WWOX: variants seen among roughly 807,000 people sequenced by gnomAD.
WWOX encodes the protein WW domain containing oxidoreductase.
WWOX carries 69 observed loss-of-function variants against 46.2 expected under a neutral mutation model. That is an observed-to-expected ratio of 1.49 (90% confidence interval 1.23 to 1.82). WWOX has a LOEUF of 1.82. WWOX is among the 40% of genes most tolerant of loss of function. The pLI is 0.00. For synonymous variants in WWOX, 359 were observed against 202.6 expected, an observed-to-expected ratio of 1.77 and a Z score of -6.56; for missense variants, 919 against 542.6, an observed-to-expected ratio of 1.69 and a Z score of -6.89.
intron 8 of WWOX, among the ~76,000 whole-genome samples, chr16:78,871,933 G>A (rs2174404): frequency 0.7 from 106,195 of 152,032 alleles, 37,531 homozygotes; most frequent in South Asian, 0.84. Context: ...CCCTCAACCT[G>A]TTTTCTTCCA....
intron 5 of WWOX, among the ~76,000 whole-genome samples, chr16:78,299,534 T>TC (rs966726710): frequency 4.0e-5 from 6 of 151,352 alleles, no homozygotes; most frequent in African/African-American, 1.5e-4. Context: ...TTTTTTTTTT[T>TC]TGGAGACAGT....
intron 8 of WWOX, among the ~76,000 whole-genome samples, chr16:78,837,515 T>G (rs1424434123): frequency 6.6e-6 from 1 of 152,230 alleles, no homozygotes; most frequent in Non-Finnish European, 1.5e-5. Flanking sequence ...ACTCAAAGCC[T>G]GAACACTTCT....
intron 5 of WWOX, among the ~76,000 whole-genome samples, chr16:78,300,769 TA>T (rs1389438394): frequency 2.6e-5 from 4 of 152,226 alleles, no homozygotes; most frequent in Admixed American, 2.0e-4. Flanking sequence ...AAACTATTTT[TA>T]AAAGTTGACT....
At chr16:78,401,491 C>G (rs562975585) in intron 6 of WWOX, among the ~76,000 whole-genome samples, 3 of 152,228 alleles carry the variant, frequency 2.0e-5, no homozygotes, top group African/African-American at 7.2e-5. Flanking sequence ...ATGAAACTCG[C>G]TGTATCTTGT....
intron 8 of WWOX, among the ~76,000 whole-genome samples, chr16:78,945,286 C>G (rs1019890927): frequency 3.9e-5 from 6 of 152,196 alleles, no homozygotes; most frequent in African/African-American, 4.8e-5. Context: ...CATGGAATAT[C>G]AAGCACGATT....
At chr16:78,116,133 T>C (rs888370475) in intron 4 of WWOX, among the ~76,000 whole-genome samples, 2 of 152,238 alleles carry the variant, frequency 1.3e-5, no homozygotes, top group African/African-American at 4.8e-5. Flanking sequence ...CAAGAATTTA[T>C]CCTTTGAGTG....
chr16:78,481,026 A>G (rs1303887456), intron 8 of WWOX, among the ~76,000 whole-genome samples: 1 of 152,256 alleles, frequency 6.6e-6, no homozygotes, highest in Non-Finnish European at 1.5e-5. Flanking sequence ...CAAAGTAAAC[A>G]CAATCACAGT....
At chr16:78,321,794 G>A (rs1362542857) in intron 5 of WWOX, among the ~76,000 whole-genome samples, 2 of 152,178 alleles carry the variant, frequency 1.3e-5, no homozygotes, top group African/African-American at 4.8e-5. Flanking sequence ...GCTGTCGTCT[G>A]TTAGTGTTTC....
At position 78,479,103 on chromosome 16, in the gene WWOX, G is replaced by A. The variant is rs80232728; in HGVS notation, c.1056+46351G>A. Among the ~76,000 whole-genome samples, 95 of 152,022 alleles carry A rather than the reference G, an allele frequency of 6.2e-4. 1 individual carries two copies. The highest frequency in any genetic ancestry group is 2.2e-3 in the African/African-American group (92 of 41,332). The stretch of plus-strand genomic sequence containing the variant: ...CATTACTGTTTTCCTGAATGTAGGA[G>A]TATTTGGAAAAGGAAAAAAAAATAA... On this transcript the variant is annotated intron_variant, in intron 8 of 8. Coordinates refer to ENST00000566780, the MANE Select transcript of WWOX (RefSeq NM_016373.4).
rs1271026142 is a variant in WWOX, at chr16:78,376,666, A to G, written c.517-10194A>G. 3.9e-5 allele frequency among the ~76,000 whole-genome samples: 6 copies of G among 152,310 alleles called. No homozygotes were observed. In the South Asian group the frequency reaches 8.3e-4, roughly 21 times the overall value. On this transcript the variant is annotated intron_variant, in intron 5 of 8. Transcript: ENST00000566780. ...TGTTCGTTGTAAGATATTGAGTAGC[A>G]TCCCTGACCTCTGCCCCCTGGATGC...
chr16:79,032,564 A>G (rs987462948), intron 8 of WWOX, among the ~76,000 whole-genome samples: 7 of 148,392 alleles, frequency 4.7e-5, no homozygotes, highest in Admixed American at 3.4e-4. Context: ...TATACTTTCC[A>G]TACATACATA....
At chr16:78,566,895 G>T (rs374143420) in intron 8 of WWOX, among the ~76,000 whole-genome samples, 1 of 152,170 alleles carries the variant, frequency 6.6e-6, no homozygotes, top group Non-Finnish European at 1.5e-5. Flanking sequence ...AAGGGGTCAC[G>T]TCTCTGTGAA....
chr16:78,456,073 C>T (rs1054651229), intron 8 of WWOX, among the ~76,000 whole-genome samples: 1 of 152,122 alleles, frequency 6.6e-6, no homozygotes, highest in Admixed American at 6.5e-5. Context: ...GTGGACAAGG[C>T]TATGTAACTA....
At chr16:78,672,092 C>G (rs886086183) in intron 8 of WWOX, among the ~76,000 whole-genome samples, 1 of 152,182 alleles carries the variant, frequency 6.6e-6, no homozygotes, top group Non-Finnish European at 1.5e-5. Context: ...TACTTCACAA[C>G]TCTCCACTTT....
chr16:78,312,079 C>G (rs1312492817), intron 5 of WWOX, among the ~76,000 whole-genome samples: 2 of 152,130 alleles, frequency 1.3e-5, no homozygotes, highest in African/African-American at 2.4e-5. Flanking sequence ...ATGGCCATGT[C>G]TCTGGTTCTT....
chr16:78,429,388 A>G (rs913121775), intron 7 of WWOX, among the ~76,000 whole-genome samples: 2 of 152,096 alleles, frequency 1.3e-5, no homozygotes, highest in African/African-American at 4.8e-5. Context: ...GGCTTCTTTC[A>G]TTCTCTCCCT....
intron 8 of WWOX, among the ~76,000 whole-genome samples, chr16:78,486,699 G>A (rs767560968): frequency 7.9e-5 from 12 of 152,084 alleles, no homozygotes; most frequent in East Asian, 3.9e-4. Context: ...TTAGCCTCCC[G>A]CGTAGCTGGG....
chr16:78,298,814 G>A (rs1320027140), intron 5 of WWOX, among the ~76,000 whole-genome samples: 1 of 150,364 alleles, frequency 6.7e-6, no homozygotes, highest in Non-Finnish European at 1.5e-5. Context: ...AAAAAATTAT[G>A]TCCTTCTAGA....
At chr16:79,004,575 G>C (rs575817774) in intron 8 of WWOX, 1 of 152,360 alleles carries the variant, frequency 6.6e-6, no homozygotes, top group South Asian at 2.1e-4. Context: ...GATCCCTTCA[G>C]GCCTCTGGCT....
Sources: allele counts gnomAD v4.1 joint callset (sites outside exome capture counted in the v4.1 genomes callset), GRCh38; gene constraint gnomAD v4.1.1; transcripts MANE v1.5; gene names NCBI Gene and HGNC (gene_info 2026-07-23, HGNC 2026-07-21).